KMT2C: variants seen among roughly 807,000 people sequenced by gnomAD.
KMT2C encodes the protein histone-lysine N-methyltransferase 2C.
A neutral mutation model predicts 507.9 loss-of-function variants in KMT2C; 88 were observed. The observed-to-expected ratio is 0.17, with a 90% CI of 0.15 to 0.21. KMT2C has a LOEUF of 0.21. KMT2C is among the 10% of genes least tolerant of loss of function. The pLI is 1.00. For missense variants in KMT2C, 4,954 were observed against 5,957.8 expected (o/e 0.83, Z 5.55); for synonymous variants, 2,049 against 2,080.8 (o/e 0.98, Z 0.42).
chr7:152,290,335 G>A (rs751559583), intron 6 of KMT2C, among the ~76,000 whole-genome samples: 37 of 106,414 alleles, frequency 3.5e-4, no homozygotes, highest in Admixed American at 2.0e-3. Context: ...GTCTGAGATG[G>A]AGTCTCACTC....
chr7:152,192,379 A>G (rs935974676), intron 31 of KMT2C, among the ~76,000 whole-genome samples: 2 of 152,014 alleles, frequency 1.3e-5, no homozygotes, highest in African/African-American at 4.8e-5. Flanking sequence ...CGTCTCTACT[A>G]AAAATACAAA....
intron 5 of KMT2C, 44 bp downstream of exon 5, chr7:152,311,754 C>T (rs2129200321): frequency 4.2e-6 from 6 of 1,444,320 alleles, no homozygotes; most frequent in Middle Eastern, 1.8e-4. Context: ...AATTAAAATG[C>T]TTCCAGAATT....
Position 152,163,145 on chromosome 7 carries a change from G to C in KMT2C, c.10432C>G (p.Gln3478Glu), listed in dbSNP as rs142835638. The C allele has an allele frequency of 4.3e-3, 6,963 of 1,614,176 alleles. 26 individuals carry two copies. Among genetic ancestry groups the C allele is most frequent in the South Asian group, 6.6e-3 (599 of 91,084 alleles). ...PLQQSPQHQQQMGQVLQQQNI... is the reference protein window; with the variant it reads ...PLQQSPQHQQEMGQVLQQQNI... ...TGCTGCTGTAAAACCTGCCCCATTT[G>C]CTGTTGGTGTTGTGGAGACTGCTGA... The change falls in exon 43 of 59, where the codon CAA (glutamine) becomes GAA (glutamate). Residue 3478 changes from glutamine to glutamate, a missense_variant. Around this residue, in one of 29 missense-constraint regions of KMT2C, gnomAD observed 801 missense variants for 751.2 expected, o/e 1.07. Coordinates refer to ENST00000262189, the MANE Select transcript of KMT2C (RefSeq NM_170606.3).
rs2091542595 is a variant in KMT2C at position 152,150,750 on chromosome 7, C to CT, written c.12774+149dup. On this transcript the variant is annotated intron_variant, in intron 51 of 58. Transcript: ENST00000262189. Reference sequence around the variant, plus strand: ...AGCACGACTCAAGGCTCCCTACACCCTCTCCTCCTCTGCCGGGTCAGCACC... The same window carrying CT: ...AGCACGACTCAAGGCTCCCTACACCCTTCTCCTCCTCTGCCGGGTCAGCACC... 4.9e-6 allele frequency: 3 copies of CT among 613,188 alleles called. No homozygotes were observed. In the East Asian group the frequency reaches 9.0e-5, roughly 18 times the overall value. The allele number at this position is 613,188 out of a possible 1,614,324, so 38.0% of individuals were successfully genotyped here.
intron 1 of KMT2C, among the ~76,000 whole-genome samples, chr7:152,413,239 C>T (rs567804337): frequency 3.3e-5 from 5 of 152,174 alleles, no homozygotes; most frequent in East Asian, 1.9e-4. Flanking sequence ...CTCAGCCTCC[C>T]GAGTAGCTGG....
Position 152,333,933 on chromosome 7 carries a change from T to C in KMT2C, c.251-3194A>G, listed in dbSNP as rs1335693470. Among the ~76,000 whole-genome samples, 5 of 152,238 alleles carry C rather than the reference T, an allele frequency of 3.3e-5. No homozygotes were observed. In the East Asian group the frequency reaches 5.8e-4, roughly 18 times the overall value. ...GTGTCCTGTCTATCCCGAGACAAAA[T>C]TGATAAAGTATCTAGAATCAAATCT... On this transcript the variant is annotated intron_variant, in intron 2 of 58. Coordinates refer to ENST00000262189, the MANE Select transcript of KMT2C (RefSeq NM_170606.3).
intron 1 of KMT2C, among the ~76,000 whole-genome samples, chr7:152,425,983 T>C (rs1252194673): frequency 1.3e-5 from 2 of 152,162 alleles, no homozygotes; most frequent in South Asian, 2.1e-4. Context: ...AAATCTACTC[T>C]AACAACATTT....
chr7:152,301,198 A>T (rs1402629165), intron 6 of KMT2C, among the ~76,000 whole-genome samples: 1 of 27,366 alleles, frequency 3.7e-5, no homozygotes, highest in Non-Finnish European at 5.7e-5. Flanking sequence ...CCTGTCTCCT[A>T]AAAAAAAAAA....
intron 1 of KMT2C, among the ~76,000 whole-genome samples, chr7:152,378,193 A>G (rs2097343676): frequency 6.6e-6 from 1 of 152,230 alleles, no homozygotes; most frequent in South Asian, 2.1e-4. Context: ...AGCTGACTCC[A>G]ATTTTGAAAA....
intron 7 of KMT2C, among the ~76,000 whole-genome samples, chr7:152,273,477 A>G (rs2096015173): frequency 6.6e-6 from 1 of 152,156 alleles, no homozygotes; most frequent in Admixed American, 6.5e-5. Context: ...AAACCATGCA[A>G]ACTTTATTTG....
intron 1 of KMT2C, among the ~76,000 whole-genome samples, chr7:152,381,601 A>T (rs1157379479): frequency 6.6e-6 from 1 of 152,306 alleles, no homozygotes; most frequent in Non-Finnish European, 1.5e-5. Flanking sequence ...AGGCTTTAAA[A>T]TATCTTAAGA....
intron 14 of KMT2C, among the ~76,000 whole-genome samples, chr7:152,244,302 T>C (rs2095434302): frequency 6.6e-6 from 1 of 152,188 alleles, no homozygotes; most frequent in Non-Finnish European, 1.5e-5. Context: ...TGTTCTAAAA[T>C]CTACCGAGTT....
chr7:152,323,240 A>T (rs1343747794), intron 3 of KMT2C, among the ~76,000 whole-genome samples: 1 of 152,072 alleles, frequency 6.6e-6, no homozygotes, highest in Non-Finnish European at 1.5e-5. Flanking sequence ...TTACTACAGC[A>T]TTACTTACAA....
chr7:152,351,368 A>G (rs868845772), intron 2 of KMT2C, among the ~76,000 whole-genome samples: 4 of 152,284 alleles, frequency 2.6e-5, no homozygotes, highest in Non-Finnish European at 5.9e-5. Context: ...GTAATGCACT[A>G]TGTTGCGCTG....
intron 6 of KMT2C, among the ~76,000 whole-genome samples, chr7:152,275,395 T>C (rs1169110723): frequency 6.6e-6 from 1 of 152,116 alleles, no homozygotes; most frequent in East Asian, 1.9e-4. Flanking sequence ...ATACAAAAAA[T>C]TAGCCAGACG....
chr7:152,379,592 T>TA (rs1212054503), intron 1 of KMT2C, among the ~76,000 whole-genome samples: 1 of 152,152 alleles, frequency 6.6e-6, no homozygotes, highest in Non-Finnish European at 1.5e-5. Context: ...GGTGCACACA[T>TA]AGAGCCCCAG....
chr7:152,233,740 A>C lies in KMT2C; in HGVS notation c.2769+2077T>G, dbSNP rs575409004. 2.0e-3 allele frequency among the ~76,000 whole-genome samples: 300 copies of C among 152,326 alleles called. 2 individuals carry two copies. The highest frequency in any genetic ancestry group is 3.4e-3 in the Non-Finnish European group (230 of 68,010). On this transcript the variant is annotated intron_variant, in intron 16 of 58. Coordinates refer to ENST00000262189, the MANE Select transcript of KMT2C (RefSeq NM_170606.3). ...CATTATGATCAACTCCATTCCTTTA[A>C]TTTGTCAAGATAGACAAAATGAACA...
rs758267182 is a variant in KMT2C at position 152,176,250 on chromosome 7, T to C, written c.9203A>G (p.Gln3068Arg). The change falls in exon 38 of 59, where the codon CAG becomes CGG. Residue 3068 changes from glutamine to arginine, a missense_variant. Physicochemically the swap from Gln to Arg is conservative, Grantham distance 43. Transcript: ENST00000262189. ...AATCATGGCTTGCATCTGTCTTTGC[T>C]GCTGCTGTTCTTGCCTTTCTTGATC... Reference protein sequence around the residue: ...LLDQERQEQQQQRQMQAMIRQ... With the variant: ...LLDQERQEQQRQRQMQAMIRQ... 22 of 1,613,930 alleles carry C rather than the reference T, an allele frequency of 1.4e-5. No individual in the cohort carries two copies. The highest frequency in any genetic ancestry group is 1.8e-5 in the Non-Finnish European group (21 of 1,179,978).
rs565560233 is a variant in KMT2C, at chr7:152,332,593, C to G, written c.251-1854G>C. Among the ~76,000 whole-genome samples, 211 of 152,262 alleles carry G rather than the reference C, an allele frequency of 1.4e-3. 1 individual carries two copies. Among genetic ancestry groups the G allele is most frequent in the African/African-American group, 4.9e-3 (204 of 41,566 alleles). ...GGGTATGGTGATGCACACCTGTAATCCCAGCACTTTGGGAGGCCAAGGTGG... is the reference window on the plus strand; with the variant it reads ...GGGTATGGTGATGCACACCTGTAATGCCAGCACTTTGGGAGGCCAAGGTGG... On this transcript the variant is annotated intron_variant, in intron 2 of 58. Transcript: ENST00000262189.
Sources: gnomAD v4.1 joint callset for allele counts (sites outside exome capture counted in the v4.1 genomes callset) on GRCh38, gnomAD v4.1.1 for gene constraint, gnomAD v4.1.1 regional missense constraint, MANE v1.5 for transcripts, NCBI Gene and HGNC (gene_info 2026-07-23, HGNC 2026-07-21) for gene names.